ARK2N: variants seen among roughly 807,000 people sequenced by gnomAD.
The protein encoded by ARK2N is arkadia (RNF111) N-terminal like PKA signaling regulator 2N.
At chr18:46,250,954 A>G in the ARK2N span, among the ~76,000 whole-genome samples, 1 of 152,182 alleles carries the variant, frequency 6.6e-6, no homozygotes, top group African/African-American at 2.4e-5. Context: ...GTTCCCTATC[A>G]GAGCAGTTTT....
chr18:46,244,211 AGTAAGGGCTCACTGCAAACAAAT>A, the ARK2N span, among the ~76,000 whole-genome samples: 2 of 152,190 alleles, frequency 1.3e-5, no homozygotes, highest in African/African-American at 4.8e-5. Flanking sequence ...TTTTGTTGCT[AGTAAGGGCTCACTGCAAACAAAT>A]GTAGTTGGGG....
At chr18:46,244,601 A>ACTTTTTTT in the ARK2N span, among the ~76,000 whole-genome samples, 1,409 of 93,786 alleles carry the variant, frequency 0.015, 15 homozygotes, top group Non-Finnish European at 0.021. Flanking sequence ...AAGAGTTTAG[A>ACTTTTTTT]TTTTTTTTTT....
chr18:46,184,380 C>G, the ARK2N span, among the ~76,000 whole-genome samples: 2 of 152,156 alleles, frequency 1.3e-5, no homozygotes, highest in African/African-American at 4.8e-5. Context: ...CCTCGGCCTC[C>G]CAAAGTGCTG....
At chr18:46,193,211 C>T in the ARK2N span, among the ~76,000 whole-genome samples, 1 of 152,108 alleles carries the variant, frequency 6.6e-6, no homozygotes, top group Non-Finnish European at 1.5e-5. Flanking sequence ...TCTGGAATGA[C>T]TTTATTTAAA....
At chr18:46,207,388 C>CTTTTTTTTTTTTTTTTTTTTT in the ARK2N span, among the ~76,000 whole-genome samples, 5 of 115,916 alleles carry the variant, frequency 4.3e-5, no homozygotes, top group African/African-American at 1.6e-4. Flanking sequence ...AGTTTCTATA[C>CTTTTTTTTTTTTTTTTTTTTT]TTTTTTTTTT....
At chr18:46,194,766 G>A in the ARK2N span, among the ~76,000 whole-genome samples, 15 of 149,546 alleles carry the variant, frequency 1.0e-4, no homozygotes, top group South Asian at 1.3e-3. Context: ...GAGCCACCGC[G>A]ACCGGATTCT....
chr18:46,231,005 C>T, the ARK2N span, among the ~76,000 whole-genome samples: 1 of 152,120 alleles, frequency 6.6e-6, no homozygotes, highest in African/African-American at 2.4e-5. Flanking sequence ...ATTCAACCAG[C>T]GGATTAGAGT....
chr18:46,235,595 T>C, the ARK2N span, among the ~76,000 whole-genome samples: 6 of 152,106 alleles, frequency 3.9e-5, no homozygotes, highest in African/African-American at 1.4e-4. Flanking sequence ...TAAGAGAGAG[T>C]AGGCAAGGCT....
At chr18:46,244,141 G>T in the ARK2N span, among the ~76,000 whole-genome samples, 1 of 152,094 alleles carries the variant, frequency 6.6e-6, no homozygotes, top group Non-Finnish European at 1.5e-5. Flanking sequence ...ATAGCCTCAG[G>T]TAACTCTTGT....
At chr18:46,202,782 G>A in the ARK2N span, among the ~76,000 whole-genome samples, 1 of 148,268 alleles carries the variant, frequency 6.7e-6, no homozygotes, top group African/African-American at 2.5e-5. Context: ...AGTGAGACTC[G>A]GTCGCAAAAA....
chr18:46,208,892 C>T, the ARK2N span, among the ~76,000 whole-genome samples: 1 of 152,162 alleles, frequency 6.6e-6, no homozygotes, highest in Non-Finnish European at 1.5e-5. Flanking sequence ...ATATGCATTT[C>T]ATAGGGGTAA....
At chr18:46,180,703 C>CAA in the ARK2N span, among the ~76,000 whole-genome samples, 71 of 141,936 alleles carry the variant, frequency 5.0e-4, no homozygotes, top group Non-Finnish European at 4.9e-4. Context: ...AACTCTGTCT[C>CAA]AAAAAAAAAA....
the ARK2N span, chr18:46,218,550 C>T: frequency 1.3e-5 from 2 of 152,114 alleles, no homozygotes; most frequent in African/African-American, 2.4e-5. Flanking sequence ...ATGATCTTTA[C>T]TGGAATTATG....
chr18:46,178,476 C>A, the ARK2N span, among the ~76,000 whole-genome samples: 75 of 152,304 alleles, frequency 4.9e-4, no homozygotes, highest in African/African-American at 1.7e-3. Context: ...TCATGCCAGG[C>A]TAATTTTTGT....
chr18:46,262,725 C>G, the ARK2N span, among the ~76,000 whole-genome samples: 2 of 152,052 alleles, frequency 1.3e-5, no homozygotes, highest in Non-Finnish European at 2.9e-5. Context: ...TAAGGCTAAA[C>G]TGAGAGAGGG....
the ARK2N span, among the ~76,000 whole-genome samples, chr18:46,195,559 CTTTTTTTT>C: frequency 1.1e-4 from 8 of 72,686 alleles, no homozygotes; most frequent in South Asian, 5.1e-4. Context: ...CCCACATAAA[CTTTTTTTT>C]TTTTTTTTTT....
chr18:46,263,056 TCAC>T, the ARK2N span: 27 of 1,614,050 alleles, frequency 1.7e-5, no homozygotes, highest in Non-Finnish European at 1.9e-5. Context: ...GACTTGGGCT[TCAC>T]CAGCAGAAGT....
At chr18:46,226,601 G>A in the ARK2N span, among the ~76,000 whole-genome samples, 1 of 152,132 alleles carries the variant, frequency 6.6e-6, no homozygotes, top group Non-Finnish European at 1.5e-5. Context: ...TCAAAAGATA[G>A]AAAATACCAC....
chr18:46,205,816 C>T, the ARK2N span, among the ~76,000 whole-genome samples: 288 of 152,260 alleles, frequency 1.9e-3, 2 homozygotes, highest in Middle Eastern at 0.02. Flanking sequence ...GCCTTGACCC[C>T]GTGGGCTCAC....
Sources: gnomAD v4.1 joint callset for allele counts (sites outside exome capture counted in the v4.1 genomes callset) on GRCh38, gnomAD v4.1.1 for gene constraint, MANE v1.5 for transcripts, NCBI Gene and HGNC (gene_info 2026-07-23, HGNC 2026-07-21) for gene names.